MYO3A: variants seen among roughly 807,000 people sequenced by gnomAD.
MYO3A encodes myosin-IIIa.
A neutral mutation model predicts 192.7 loss-of-function variants in MYO3A; 180 were observed. The ratio of observed to expected loss-of-function variants is 0.93; its 90% CI spans 0.83 to 1.06. MYO3A has a LOEUF of 1.06. MYO3A is among the 50% of genes least tolerant of loss of function. The pLI is 0.00. For synonymous variants in MYO3A, 628 were observed against 645.3 expected (o/e 0.97, Z 0.41); for missense variants, 1,896 against 1,905.0 (o/e 1.00, Z 0.09).
At chr10:26,157,232 G>A (rs994002510) in intron 25 of MYO3A, 78 bp from the exon 26 acceptor site, 19 of 1,261,542 alleles carry the variant, frequency 1.5e-5, no homozygotes, top group African/African-American at 7.4e-5. Context: ...TGTTATTCTT[G>A]TAGTAAAAAG....
At position 26,088,412 on chromosome 10, in the gene MYO3A, T is replaced by G. The variant is rs1588932339; in HGVS notation, c.1562+7T>G. The stretch of plus-strand genomic sequence containing the variant: ...GAGTTATCCACCAAGCTATGTAAGT[T>G]TATTTCAAATCTCTCCTATTTTGGA... On this transcript the variant is annotated splice_region_variant and intron_variant, in intron 15 of 34. Coordinates refer to ENST00000642920, the MANE Select transcript of MYO3A (RefSeq NM_017433.5). 1 of 1,609,736 alleles carries G rather than the reference T, an allele frequency of 6.2e-7. No individual in the cohort carries two copies. Among genetic ancestry groups the G allele is most frequent in the Non-Finnish European group, 8.5e-7 (1 of 1,176,070 alleles).
At chr10:26,047,235 A>G (rs1251583611) in intron 10 of MYO3A, among the ~76,000 whole-genome samples, 3 of 152,230 alleles carry the variant, frequency 2.0e-5, no homozygotes, top group Non-Finnish European at 4.4e-5. Context: ...ACAAAGAAAT[A>G]AAACACATTT....
chr10:26,145,672 T>A, intron 22 of MYO3A, 138 bp downstream of exon 22: 1 of 764,424 alleles, frequency 1.3e-6, no homozygotes, highest in Non-Finnish European at 2.3e-6. Flanking sequence ...CCACTGGCCC[T>A]AATTATGCCC....
chr10:25,995,554 G>C (rs180701392), intron 4 of MYO3A, among the ~76,000 whole-genome samples: 4 of 152,164 alleles, frequency 2.6e-5, no homozygotes, highest in Admixed American at 1.3e-4. Flanking sequence ...GAGGAGCTGC[G>C]TTCCTTTGGA....
At chr10:25,985,237 CAAAA>C (rs1157598256) in intron 4 of MYO3A, among the ~76,000 whole-genome samples, 2 of 79,836 alleles carry the variant, frequency 2.5e-5, no homozygotes, top group African/African-American at 9.5e-5. Context: ...GACTCTGTCT[CAAAA>C]AAAAAAAAAA....
At chr10:25,950,523 G>A (rs1035376334) in intron 2 of MYO3A, among the ~76,000 whole-genome samples, 1 of 152,168 alleles carries the variant, frequency 6.6e-6, no homozygotes, top group African/African-American at 2.4e-5. Context: ...TGAATTTTAA[G>A]TGAAACTAGT....
intron 17 of MYO3A, among the ~76,000 whole-genome samples, chr10:26,111,494 T>C (rs1838175326): frequency 6.6e-6 from 1 of 152,134 alleles, no homozygotes; most frequent in South Asian, 2.1e-4. Context: ...GGTGCATCTT[T>C]CCCTGCTGCC....
At chr10:25,950,162 C>T (rs563029493) in intron 2 of MYO3A, among the ~76,000 whole-genome samples, 3 of 152,174 alleles carry the variant, frequency 2.0e-5, no homozygotes, top group African/African-American at 7.2e-5. Context: ...CTGAGATCTA[C>T]AGGACAAGAA....
chr10:26,164,558 G>T (rs1050889131), intron 26 of MYO3A, among the ~76,000 whole-genome samples: 22 of 152,112 alleles, frequency 1.4e-4, no homozygotes, highest in African/African-American at 5.3e-4. Context: ...CAATTAAGTC[G>T]CTTTTGTGAG....
chr10:26,131,664 T>C (rs1427419236), intron 20 of MYO3A, among the ~76,000 whole-genome samples: 1 of 152,208 alleles, frequency 6.6e-6, no homozygotes, highest in African/African-American at 2.4e-5. Context: ...ATTATTTTTC[T>C]ATGTGTAAAA....
chr10:25,986,988 G>T (rs1031102692), intron 4 of MYO3A, among the ~76,000 whole-genome samples: 2 of 152,146 alleles, frequency 1.3e-5, no homozygotes, highest in African/African-American at 4.8e-5. Context: ...CACCAAAACA[G>T]CATGGTACTG....
At chr10:26,017,776 C>G (rs1309990540) in intron 7 of MYO3A, among the ~76,000 whole-genome samples, 1 of 148,802 alleles carries the variant, frequency 6.7e-6, no homozygotes, top group South Asian at 2.2e-4. Context: ...ATTTTTTTAC[C>G]ATGGAGCATA....
chr10:25,986,341 C>T (rs7095192), intron 4 of MYO3A, among the ~76,000 whole-genome samples: 7,912 of 152,114 alleles, frequency 0.052, 730 homozygotes, highest in African/African-American at 0.18. Flanking sequence ...ACATAGTACT[C>T]GAATTCCTTG....
intron 2 of MYO3A, 66 bp from the exon 3 acceptor site, chr10:25,952,028 T>C: frequency 3.3e-6 from 4 of 1,208,754 alleles, no homozygotes; most frequent in Non-Finnish European, 4.8e-6. Context: ...TAATTTCCCA[T>C]GGGTTTGTGT....
intron 23 of MYO3A, among the ~76,000 whole-genome samples, chr10:26,150,029 C>CGTGTGTGT (rs35589117): frequency 0.011 from 1,617 of 149,480 alleles, 24 homozygotes; most frequent in African/African-American, 0.034. Flanking sequence ...GAATAGTATT[C>CGTGTGTGT]GTGTGTGTGT....
At chr10:26,025,850 C>G (rs1324637156) in intron 9 of MYO3A, among the ~76,000 whole-genome samples, 1 of 152,218 alleles carries the variant, frequency 6.6e-6, no homozygotes. Flanking sequence ...TCAAAAAATA[C>G]ATATTGACAT....
intron 7 of MYO3A, among the ~76,000 whole-genome samples, chr10:26,017,510 C>CA (rs1298262348): frequency 6.6e-6 from 1 of 152,132 alleles, no homozygotes; most frequent in African/African-American, 2.4e-5. Flanking sequence ...ACTCTCTCTA[C>CA]AACTGTTGGG....
At chr10:26,176,616 G>A (rs1047687747) in intron 30 of MYO3A, 85 bp from the exon 31 acceptor site, 8 of 1,255,600 alleles carry the variant, frequency 6.4e-6, no homozygotes, top group African/African-American at 1.5e-5. Flanking sequence ...AAGAGTGCTG[G>A]TAAGGCGTTT....
chr10:26,009,098 A>G (rs1588764879), intron 6 of MYO3A, among the ~76,000 whole-genome samples: 1 of 151,910 alleles, frequency 6.6e-6, no homozygotes, highest in Admixed American at 6.6e-5. Flanking sequence ...GAAATTGGAA[A>G]TCATCATTCT....
Sources: gnomAD v4.1 joint callset for allele counts (sites outside exome capture counted in the v4.1 genomes callset) on GRCh38, gnomAD v4.1.1 for gene constraint, MANE v1.5 for transcripts, NCBI Gene and HGNC (gene_info 2026-07-23, HGNC 2026-07-21) for gene names.